Variants in MAF observed in about 807,000 individuals in gnomAD.
MAF encodes transcription factor Maf.
MAF carries 10 observed loss-of-function variants against 22.0 expected under a neutral mutation model. The ratio of observed to expected loss-of-function variants is 0.45; its 90% CI spans 0.28 to 0.77. The LOEUF (loss-of-function observed/expected upper bound fraction) is 0.77. Among genes scored for constraint, MAF ranks in the 30% least tolerant of loss-of-function variants. The pLI, the probability that MAF is intolerant of heterozygous loss-of-function variation, is 0.12. For missense variants in MAF, 544 were observed against 548.4 expected, an observed-to-expected ratio of 0.99 and a Z score of 0.08; for synonymous variants, 337 against 255.8, an observed-to-expected ratio of 1.32 and a Z score of -3.03.
At chr16:79,492,943 G>A in the MAF span, among the ~76,000 whole-genome samples, 2 of 149,966 alleles carry the variant, frequency 1.3e-5, no homozygotes, top group Admixed American at 6.7e-5. Flanking sequence ...ATAGGTGCTG[G>A]TTACATGGAT....
At chr16:79,290,366 G>T in the MAF span, among the ~76,000 whole-genome samples, 222 of 152,260 alleles carry the variant, frequency 1.5e-3, 2 homozygotes, top group Non-Finnish European at 2.9e-4. Flanking sequence ...CTTTCCCCAG[G>T]ACTAGTTACA....
At chr16:79,329,003 G>A in the MAF span, among the ~76,000 whole-genome samples, 1 of 152,008 alleles carries the variant, frequency 6.6e-6, no homozygotes, top group African/African-American at 2.4e-5. Flanking sequence ...TCTGAAACAT[G>A]AAGGAGCTGT....
the MAF span, among the ~76,000 whole-genome samples, chr16:79,410,295 T>C: frequency 7.2e-5 from 11 of 152,264 alleles, no homozygotes; most frequent in African/African-American, 2.7e-4. Flanking sequence ...GCTGCCCAAT[T>C]TGCGAATCTT....
At chr16:79,236,239 A>G in the MAF span, among the ~76,000 whole-genome samples, 11,031 of 152,098 alleles carry the variant, frequency 0.073, 591 homozygotes, top group Middle Eastern at 0.15. Context: ...CTTGAACATC[A>G]TGGAGCTCTG....
chr16:79,333,714 C>G, the MAF span, among the ~76,000 whole-genome samples: 2 of 152,168 alleles, frequency 1.3e-5, no homozygotes, highest in South Asian at 2.1e-4. Flanking sequence ...TATCACCACA[C>G]GCGGAAACCT....
chr16:79,275,508 G>T, the MAF span, among the ~76,000 whole-genome samples: 1 of 152,166 alleles, frequency 6.6e-6, no homozygotes, highest in African/African-American at 2.4e-5. Flanking sequence ...ACACGAGCAA[G>T]GAAAGTCACT....
chr16:79,422,560 C>T, the MAF span, among the ~76,000 whole-genome samples: 35 of 152,238 alleles, frequency 2.3e-4, no homozygotes, highest in East Asian at 4.5e-3. Flanking sequence ...CAGCTTGCTC[C>T]ATGCACTTCT....
At chr16:79,254,039 T>A in the MAF span, among the ~76,000 whole-genome samples, 73 of 151,868 alleles carry the variant, frequency 4.8e-4, 1 homozygote, top group Non-Finnish European at 6.3e-4. Context: ...TTTTTTTTTT[T>A]ATAAAAAACT....
At chr16:79,458,495 G>A in the MAF span, among the ~76,000 whole-genome samples, 5 of 152,106 alleles carry the variant, frequency 3.3e-5, no homozygotes, top group Non-Finnish European at 5.9e-5. Context: ...TTTACAATGA[G>A]GTGAAAAACA....
At chr16:79,545,572 T>G in the MAF span, among the ~76,000 whole-genome samples, 1 of 151,938 alleles carries the variant, frequency 6.6e-6, no homozygotes, top group East Asian at 1.9e-4. Flanking sequence ...ATTACAAAAT[T>G]TACCAGAAAT....
the MAF span, among the ~76,000 whole-genome samples, chr16:79,443,037 G>A: frequency 1.3e-5 from 2 of 152,176 alleles, no homozygotes. Flanking sequence ...AGAGTCTAAT[G>A]GGACTGATTG....
the MAF span, among the ~76,000 whole-genome samples, chr16:79,480,739 T>TA: frequency 6.6e-6 from 1 of 152,134 alleles, no homozygotes; most frequent in Non-Finnish European, 1.5e-5. Flanking sequence ...AACCAAAGGC[T>TA]ATGTCCCAGC....
downstream of MAF, chr16:79,585,757 C>A (rs987173765): frequency 7.0e-6 from 4 of 567,576 alleles, no homozygotes; most frequent in Non-Finnish European, 1.2e-5. Context: ...AGGAACTTTT[C>A]ACACCTAAAA....
chr16:79,394,632 G>C, the MAF span, among the ~76,000 whole-genome samples: 1 of 152,134 alleles, frequency 6.6e-6, no homozygotes, highest in African/African-American at 2.4e-5. Context: ...TAAGGGGTTT[G>C]GAGGATTTGG....
At chr16:79,213,501 C>G in the MAF span, among the ~76,000 whole-genome samples, 1 of 152,204 alleles carries the variant, frequency 6.6e-6, no homozygotes. Flanking sequence ...GGGGATCACC[C>G]CTCCCATATG....
At chr16:79,534,504 A>G in the MAF span, among the ~76,000 whole-genome samples, 1 of 150,932 alleles carries the variant, frequency 6.6e-6, no homozygotes, top group African/African-American at 2.4e-5. Flanking sequence ...CCTTTTATCC[A>G]CCAAACCTGT....
exon 2 of MAF, chr16:79,585,893 G>A (rs1467101699): frequency 2.9e-6 from 2 of 679,168 alleles, no homozygotes; most frequent in Non-Finnish European, 5.3e-6. Flanking sequence ...TTTGACTTCA[G>A]GCAACTGGAT....
the MAF span, among the ~76,000 whole-genome samples, chr16:79,365,756 A>AGGG: frequency 0.04 from 6,141 of 152,236 alleles, 279 homozygotes; most frequent in African/African-American, 0.11. Context: ...GAGGCCAAAT[A>AGGG]TCTCATGGGG....
chr16:79,514,552 T>G, the MAF span, among the ~76,000 whole-genome samples: 3 of 152,206 alleles, frequency 2.0e-5, no homozygotes, highest in Non-Finnish European at 4.4e-5. Flanking sequence ...AGCATTTCCC[T>G]GCATGGTAGC....
Sources: allele counts gnomAD v4.1 joint callset (sites outside exome capture counted in the v4.1 genomes callset), GRCh38; gene constraint gnomAD v4.1.1; transcripts MANE v1.5; gene names NCBI Gene and HGNC (gene_info 2026-07-23, HGNC 2026-07-21).